Variants in CEP128 observed in about 807,000 individuals in gnomAD.
CEP128 encodes the protein centrosomal protein 128.
CEP128 carries 132 observed loss-of-function variants against 156.7 expected under a neutral mutation model. The ratio of observed to expected loss-of-function variants is 0.84; its 90% CI spans 0.73 to 0.97. The LOEUF (loss-of-function observed/expected upper bound fraction) is 0.97. CEP128 is among the 50% of genes least tolerant of loss of function. The pLI is 0.00. For synonymous variants in CEP128, 469 were observed against 448.9 expected (o/e 1.04, Z -0.57); for missense variants, 1,252 against 1,281.9 (o/e 0.98, Z 0.36).
At chr14:80,599,521 C>T (rs1332836315) in intron 19 of CEP128, among the ~76,000 whole-genome samples, 3 of 151,882 alleles carry the variant, frequency 2.0e-5, no homozygotes, top group Non-Finnish European at 4.4e-5. Flanking sequence ...GTGATCCACC[C>T]GCCTTAGCCT....
chr14:80,848,640 A>G (rs1306539840), intron 9 of CEP128, among the ~76,000 whole-genome samples: 1 of 151,824 alleles, frequency 6.6e-6, no homozygotes, highest in Non-Finnish European at 1.5e-5. Context: ...AGCCTGGGAG[A>G]CAGAGTAAGA....
chr14:80,916,380 T>A, intron 3 of CEP128, 21 bp downstream of exon 3: 1 of 1,595,776 alleles, frequency 6.3e-7, no homozygotes, highest in South Asian at 1.1e-5. Flanking sequence ...TTCTATTAAA[T>A]GCAACCATTG....
At chr14:80,786,875 A>T (rs1008166008) in intron 14 of CEP128, among the ~76,000 whole-genome samples, 1 of 152,184 alleles carries the variant, frequency 6.6e-6, no homozygotes, top group African/African-American at 2.4e-5. Context: ...TGGAAGGCTC[A>T]GGCGGGAAGA....
intron 20 of CEP128, among the ~76,000 whole-genome samples, chr14:80,577,548 A>G (rs1891412001): frequency 6.6e-6 from 1 of 152,138 alleles, no homozygotes; most frequent in Non-Finnish European, 1.5e-5. Context: ...AAAACATATT[A>G]AGAAGTCACC....
chr14:80,930,337 G>A (rs908056955), intron 2 of CEP128, among the ~76,000 whole-genome samples: 8 of 152,086 alleles, frequency 5.3e-5, no homozygotes, highest in South Asian at 2.1e-4. Flanking sequence ...CACATGGCCC[G>A]CCCATTATTT....
At chr14:80,759,943 T>C (rs1034683334) in intron 17 of CEP128, among the ~76,000 whole-genome samples, 1 of 151,838 alleles carries the variant, frequency 6.6e-6, no homozygotes, top group Admixed American at 6.6e-5. Context: ...TATACATATA[T>C]ATATCTTACA....
intron 13 of CEP128, among the ~76,000 whole-genome samples, chr14:80,811,296 T>C (rs1884518260): frequency 1.3e-5 from 2 of 152,182 alleles, no homozygotes; most frequent in Non-Finnish European, 2.9e-5. Context: ...GTATATACCC[T>C]GTAATGGGAT....
chr14:80,652,519 A>G (rs1402794810), intron 19 of CEP128, among the ~76,000 whole-genome samples: 1 of 152,184 alleles, frequency 6.6e-6, no homozygotes, highest in Non-Finnish European at 1.5e-5. Context: ...CCCCATCAAA[A>G]AGTGGGCAAA....
At chr14:80,693,029 T>C (rs1250859216) in intron 19 of CEP128, among the ~76,000 whole-genome samples, 1 of 152,220 alleles carries the variant, frequency 6.6e-6, no homozygotes, top group African/African-American at 2.4e-5. Flanking sequence ...CCTGAGAGTC[T>C]ACATTTCTAA....
rs548158719 is a variant in CEP128, at chr14:80,744,408, C to G, written c.2614-1141G>C. ...CTCATCAAAAACAAAAGGGGGCCAT[C>G]ATAACAGTTCTTCTGGAATGATGAT... On this transcript the variant is annotated intron_variant, in intron 18 of 24. Coordinates refer to ENST00000555265, the MANE Select transcript of CEP128 (RefSeq NM_152446.5). Among the ~76,000 whole-genome samples the G allele has an allele frequency of 3.5e-4, 54 of 152,124 alleles. 1 individual carries two copies. The Middle Eastern group carries it at 0.01, about 29-fold the overall frequency.
chr14:80,943,725 G>C (rs944925447), upstream of CEP128, among the ~76,000 whole-genome samples: 17 of 152,308 alleles, frequency 1.1e-4, no homozygotes, highest in Admixed American at 7.8e-4. Context: ...CAGGGGTGCT[G>C]ACTCAAGCCT....
chr14:80,644,266 C>T (rs1029773732), intron 19 of CEP128, among the ~76,000 whole-genome samples: 2 of 152,170 alleles, frequency 1.3e-5, no homozygotes, highest in African/African-American at 4.8e-5. Context: ...GTTTGTGGCG[C>T]TTTGTTATGG....
chr14:80,925,229 A>C (rs1181130837), intron 2 of CEP128, among the ~76,000 whole-genome samples: 1 of 152,050 alleles, frequency 6.6e-6, no homozygotes, highest in African/African-American at 2.4e-5. Flanking sequence ...ATAGGGGTGG[A>C]TAAGACCACC....
intron 19 of CEP128, among the ~76,000 whole-genome samples, chr14:80,629,220 T>C (rs1547499): frequency 6.6e-6 from 1 of 151,856 alleles, no homozygotes; most frequent in African/African-American, 2.4e-5. Flanking sequence ...ATACTAGAGA[T>C]CAGCGATGTG....
Position 80,522,666 on chromosome 14 carries a change from A to G in CEP128, c.3072+4203T>C, listed in dbSNP as rs149126083. ...GGTAATAAATGGGGATGTCTTGGAC[A>G]AAACCATGCTCCTCTGTGAATTCAA... On this transcript the variant is annotated intron_variant, in intron 23 of 24. Coordinates refer to ENST00000555265, the MANE Select transcript of CEP128 (RefSeq NM_152446.5). 1.8e-3 allele frequency among the ~76,000 whole-genome samples: 274 copies of G among 152,358 alleles called. 1 individual carries two copies. The highest frequency in any genetic ancestry group is 5.1e-3 in the African/African-American group (211 of 41,592).
chr14:80,928,483 T>A (rs1020566484), intron 2 of CEP128, among the ~76,000 whole-genome samples: 2 of 152,064 alleles, frequency 1.3e-5, no homozygotes, highest in African/African-American at 4.8e-5. Flanking sequence ...AAAGACACAT[T>A]TAGGGAACTA....
Position 80,589,815 on chromosome 14 carries a change from C to G in CEP128, c.2807-9392G>C, listed in dbSNP as rs141444118. On this transcript the variant is annotated intron_variant, in intron 19 of 24. Coordinates refer to ENST00000555265, the MANE Select transcript of CEP128 (RefSeq NM_152446.5). ...TCAGTGCCTGGCAAATACTATTTCT[C>G]TAAGTATTTTTAAAATAATGACAAC... 3.8e-4 allele frequency among the ~76,000 whole-genome samples: 58 copies of G among 152,166 alleles called. 1 individual carries two copies. In the South Asian group the frequency reaches 5.4e-3, roughly 14 times the overall value.
intron 19 of CEP128, among the ~76,000 whole-genome samples, chr14:80,737,734 A>G (rs1267285915): frequency 1.3e-5 from 2 of 152,080 alleles, no homozygotes; most frequent in African/African-American, 2.4e-5. Context: ...ATTAAAAAAT[A>G]AAAACATTAG....
At chr14:80,683,157 G>A (rs1323129762) in intron 19 of CEP128, among the ~76,000 whole-genome samples, 1 of 152,094 alleles carries the variant, frequency 6.6e-6, no homozygotes, top group Non-Finnish European at 1.5e-5. Context: ...TGATCTAAAT[G>A]TCCAACTTTA....
Sources: allele counts gnomAD v4.1 joint callset (sites outside exome capture counted in the v4.1 genomes callset), GRCh38; gene constraint gnomAD v4.1.1; transcripts MANE v1.5; gene names NCBI Gene and HGNC (gene_info 2026-07-23, HGNC 2026-07-21).